Variants in MYZAP observed in about 807,000 individuals in gnomAD.
The protein encoded by MYZAP is GRINL1A complex locus upstream.
A neutral mutation model predicts 69.4 loss-of-function variants in MYZAP; 66 were observed. The observed-to-expected ratio is 0.95, with a 90% confidence interval of 0.78 to 1.17. MYZAP has a LOEUF of 1.17. Among genes scored for constraint, MYZAP ranks in the 50% most tolerant of loss-of-function variants. MYZAP has a pLI of 0.00. For synonymous variants in MYZAP, 256 were observed against 205.9 expected (o/e 1.24, Z -2.09); for missense variants, 611 against 556.2 (o/e 1.10, Z -0.99).
chr15:57,621,986 C>G (rs956089772), intron 4 of MYZAP, among the ~76,000 whole-genome samples: 1 of 152,108 alleles, frequency 6.6e-6, no homozygotes, highest in Non-Finnish European at 1.5e-5. Flanking sequence ...TCTTCACATA[C>G]TGGCCAAACA....
At chr15:57,684,248 T>C (rs1250087230) in intron 12 of MYZAP, among the ~76,000 whole-genome samples, 154 bp from the exon 13 acceptor site, 1 of 152,216 alleles carries the variant, frequency 6.6e-6, no homozygotes, top group African/African-American at 2.4e-5. Context: ...TTGCAGGGCC[T>C]GTTTGTAATA....
intron 11 of MYZAP, among the ~76,000 whole-genome samples, chr15:57,673,166 A>G (rs1197184826): frequency 1.3e-5 from 2 of 152,186 alleles, no homozygotes; most frequent in African/African-American, 4.8e-5. Context: ...AAATAGAACA[A>G]AGGATTTGGG....
chr15:57,661,473 G>C lies in MYZAP; in HGVS notation c.1143G>C (p.Leu381Phe), dbSNP rs1294248025. Residue 381 changes from leucine (L) to phenylalanine (F), a missense_variant, in exon 11 of 13, where the codon TTG becomes TTC. Leu to Phe is a conservative substitution (Grantham distance 22). Coordinates refer to ENST00000267853, the MANE Select transcript of MYZAP (RefSeq NM_001018100.5). Reference sequence around the variant, plus strand: ...AGATTGAATCATTAAAGAAAAAGTTGCAACAGAAACAGCTCTTAATACTGC... The same window carrying C: ...AGATTGAATCATTAAAGAAAAAGTTCCAACAGAAACAGCTCTTAATACTGC... ...VEEIESLKKK[L>F]QQKQLLILQL... 2 of 1,608,402 alleles carry C rather than the reference G, an allele frequency of 1.2e-6. No individual in the cohort carries two copies. The highest frequency in any genetic ancestry group is 1.7e-5 in the Admixed American group (1 of 59,264).
chr15:57,679,721 C>T (rs962320856), intron 12 of MYZAP, among the ~76,000 whole-genome samples: 4 of 152,134 alleles, frequency 2.6e-5, no homozygotes, highest in African/African-American at 9.7e-5. Flanking sequence ...ATCTTGGTTC[C>T]GGTACTTTCT....
intron 2 of MYZAP, among the ~76,000 whole-genome samples, chr15:57,605,946 A>G (rs1042728815): frequency 1.3e-5 from 2 of 152,136 alleles, no homozygotes; most frequent in Non-Finnish European, 2.9e-5. Flanking sequence ...AAAAAAATCC[A>G]TACGTTTGTA....
intron 10 of MYZAP, among the ~76,000 whole-genome samples, chr15:57,656,514 A>C (rs2038017082): frequency 6.6e-6 from 1 of 152,202 alleles, no homozygotes; most frequent in Non-Finnish European, 1.5e-5. Context: ...TAAAGTTTGT[A>C]AAAAATGAAC....
intron 5 of MYZAP, among the ~76,000 whole-genome samples, chr15:57,627,304 C>T (rs1337431538): frequency 2.0e-5 from 3 of 149,576 alleles, no homozygotes; most frequent in African/African-American, 4.9e-5. Flanking sequence ...GGCTCTTAGT[C>T]CTGGACAGCC....
intron 1 of MYZAP, among the ~76,000 whole-genome samples, chr15:57,594,773 TG>T (rs2033947008): frequency 6.6e-6 from 1 of 152,200 alleles, no homozygotes; most frequent in Non-Finnish European, 1.5e-5. Flanking sequence ...GGACCTGCTT[TG>T]GGACAAAATA....
intron 2 of MYZAP, among the ~76,000 whole-genome samples, chr15:57,607,906 G>T (rs1348794112): frequency 6.6e-6 from 1 of 152,178 alleles, no homozygotes; most frequent in African/African-American, 2.4e-5. Context: ...CACTGTCGGG[G>T]AGACTCTGTA....
chr15:57,682,476 G>A (rs935358048), intron 12 of MYZAP, among the ~76,000 whole-genome samples: 4 of 152,222 alleles, frequency 2.6e-5, no homozygotes, highest in East Asian at 1.9e-4. Context: ...AAGTGCTTCC[G>A]TCAGAATTCA....
chr15:57,675,820 T>A (rs1444153483), intron 12 of MYZAP, among the ~76,000 whole-genome samples: 6 of 152,134 alleles, frequency 3.9e-5, no homozygotes, highest in Non-Finnish European at 5.9e-5. Flanking sequence ...CAAGAGGACA[T>A]AAAACAAGTT....
chr15:57,602,362 C>A (rs1412806717), intron 1 of MYZAP, among the ~76,000 whole-genome samples: 1 of 152,098 alleles, frequency 6.6e-6, no homozygotes, highest in Non-Finnish European at 1.5e-5. Context: ...TGTTCCAGGC[C>A]CTTCTCCTTG....
At chr15:57,593,877 G>T (rs1352934163) in intron 1 of MYZAP, among the ~76,000 whole-genome samples, 1 of 152,124 alleles carries the variant, frequency 6.6e-6, no homozygotes, top group Non-Finnish European at 1.5e-5. Flanking sequence ...TGTGTGCTGG[G>T]GATTGTGTGT....
chr15:57,647,886 A>T lies in MYZAP; in HGVS notation c.1119+8341A>T, dbSNP rs1292942256. The T allele has an allele frequency of 4.1e-6, 4 of 985,234 alleles. No individual in the cohort carries two copies. The African/African-American group carries it at 7.0e-5, about 17-fold the overall frequency. 61.0% of individuals were successfully genotyped at this position (985,234 alleles called of 1,614,324 possible). On this transcript the variant is annotated intron_variant, in intron 10 of 12. Coordinates refer to ENST00000267853, the MANE Select transcript of MYZAP (RefSeq NM_001018100.5). ...CTGCCTGTACTGTGATATGGTGTGA[A>T]CTTGACTTATACTGCTTGTGAAACC... is the stretch of plus-strand genomic sequence containing the variant.
In MYZAP at chr15:57,621,205, CTTTTT is replaced by C. The variant is rs61201214; in HGVS notation, c.319-391_319-387del. 3.9e-5 allele frequency among the ~76,000 whole-genome samples: 5 copies of C among 127,314 alleles called. 1 individual carries two copies. The Admixed American group carries it at 4.2e-4, about 11-fold the overall frequency. 83.5% of individuals were successfully genotyped at this position (127,314 alleles called of 152,430 possible). On this transcript the variant is annotated intron_variant, in intron 3 of 12. Transcript: ENST00000267853. Reference sequence around the variant, plus strand: ...TTATGTGGGGTCCTTCTTTCTTTTTCTTTTTTTTTTTTTTTTGTTTTTTGAGATGG... The same window carrying C: ...TTATGTGGGGTCCTTCTTTCTTTTTCTTTTTTTTTTTGTTTTTTGAGATGG...
At chr15:57,601,545 A>G (rs2034415080) in intron 1 of MYZAP, among the ~76,000 whole-genome samples, 2 of 152,076 alleles carry the variant, frequency 1.3e-5, no homozygotes, top group Non-Finnish European at 2.9e-5. Context: ...CCCACCAGGA[A>G]AGAGAGCTAC....
chr15:57,595,739 C>T lies in MYZAP; in HGVS notation c.75+3630C>T, dbSNP rs904413160. Among the ~76,000 whole-genome samples the T allele has an allele frequency of 1.4e-4, 22 of 152,274 alleles. 1 individual carries two copies. Among genetic ancestry groups the T allele is most frequent in the African/African-American group, 4.3e-4 (18 of 41,560 alleles). On this transcript the variant is annotated intron_variant, in intron 1 of 12. Coordinates refer to ENST00000267853, the MANE Select transcript of MYZAP (RefSeq NM_001018100.5). ...GACTGTTGGCTGGTGTTGCTGCTATCGTGACCCGTCACTGGCACAGAGAAA... is the reference window on the plus strand; with the variant it reads ...GACTGTTGGCTGGTGTTGCTGCTATTGTGACCCGTCACTGGCACAGAGAAA...
chr15:57,613,165 C>A (rs141149583), intron 2 of MYZAP, among the ~76,000 whole-genome samples: 5,461 of 152,194 alleles, frequency 0.036, 133 homozygotes, highest in Non-Finnish European at 0.051. Flanking sequence ...ATCTCCTGAC[C>A]TTGTGATCCA....
At chr15:57,596,788 C>A (rs72743506) in intron 1 of MYZAP, among the ~76,000 whole-genome samples, 3 of 152,170 alleles carry the variant, frequency 2.0e-5, no homozygotes. Context: ...CTTTCGATGC[C>A]GTTCCTTGCC....
Sources: gnomAD v4.1 joint callset for allele counts (sites outside exome capture counted in the v4.1 genomes callset) on GRCh38, gnomAD v4.1.1 for gene constraint, MANE v1.5 for transcripts, NCBI Gene and HGNC (gene_info 2026-07-23, HGNC 2026-07-21) for gene names.